Variants in GRK5 observed in about 807,000 individuals in gnomAD.
The protein encoded by GRK5 is G protein-coupled receptor kinase 5, also known as g protein-coupled receptor kinase GRK5.
GRK5 carries 40 observed loss-of-function variants against 78.4 expected under a neutral mutation model. The observed-to-expected ratio is 0.51, with a 90% confidence interval of 0.40 to 0.66. The LOEUF (loss-of-function observed/expected upper bound fraction) is 0.66, where lower values mean the gene tolerates loss of function less well. GRK5 is among the 30% of genes least tolerant of loss of function. The pLI is 0.00. For missense variants in GRK5, 598 were observed against 759.9 expected (o/e 0.79, Z 2.50); for synonymous variants, 289 against 296.8 (o/e 0.97, Z 0.27).
intron 3 of GRK5, among the ~76,000 whole-genome samples, chr10:119,394,544 TGGGGGCAC>T (rs1564917422): frequency 0.055 from 870 of 15,676 alleles, 362 homozygotes; most frequent in Non-Finnish European, 0.092. Context: ...TATCTGTGTG[TGGGGGCAC>T]GTGTATGTTT....
chr10:119,323,868 C>T (rs1564891091), intron 1 of GRK5, among the ~76,000 whole-genome samples: 1 of 152,224 alleles, frequency 6.6e-6, no homozygotes, highest in Non-Finnish European at 1.5e-5. Flanking sequence ...CCCCCAAGTC[C>T]CCTGAGTCCA....
chr10:119,281,022 C>T (rs1208021091), intron 1 of GRK5, among the ~76,000 whole-genome samples: 1 of 152,030 alleles, frequency 6.6e-6, no homozygotes, highest in East Asian at 1.9e-4. Context: ...TCATGATCCA[C>T]ACGCCTTGGC....
intron 1 of GRK5, among the ~76,000 whole-genome samples, chr10:119,292,027 T>TCCTCCTCCTCC (rs1849980496): frequency 9.0e-6 from 1 of 111,096 alleles, no homozygotes; most frequent in African/African-American, 3.5e-5. Context: ...CTCTTCCTCC[T>TCCTCCTCCTCC]TCTTCTCCTC....
At chr10:119,268,653 T>C (rs1273952608) in intron 1 of GRK5, among the ~76,000 whole-genome samples, 5 of 152,244 alleles carry the variant, frequency 3.3e-5, no homozygotes, top group African/African-American at 1.2e-4. Context: ...TGGCAGGTGA[T>C]AAATGCTGAC....
rs538786072 is a variant in GRK5 at position 119,339,139 on chromosome 10, G to A, written c.148+12528G>A. On this transcript the variant is annotated intron_variant, in intron 2 of 15. Transcript: ENST00000392870. ...ATGGACAAAGTGGATGATGTTTGGCGAGCGGCCTCTGCCTGGCTTGCCTGC... is the reference window on the plus strand; with the variant it reads ...ATGGACAAAGTGGATGATGTTTGGCAAGCGGCCTCTGCCTGGCTTGCCTGC... 4.6e-5 allele frequency among the ~76,000 whole-genome samples: 7 copies of A among 152,304 alleles called. No individual in the cohort carries two copies. In the South Asian group the frequency reaches 8.3e-4, roughly 18 times the overall value.
chr10:119,241,187 T>G (rs1428415208), intron 1 of GRK5, among the ~76,000 whole-genome samples: 1 of 152,162 alleles, frequency 6.6e-6, no homozygotes, highest in East Asian at 1.9e-4. Context: ...GTCTGTGACG[T>G]GGGCAGGGTG....
chr10:119,420,345 CA>C (rs869198771), intron 4 of GRK5, among the ~76,000 whole-genome samples: 50 of 71,234 alleles, frequency 7.0e-4, no homozygotes, highest in South Asian at 1.4e-3. Flanking sequence ...CTAAAACAAA[CA>C]AACAAACAAA....
intron 1 of GRK5, among the ~76,000 whole-genome samples, chr10:119,259,172 C>T (rs559152031): frequency 5.4e-4 from 81 of 149,898 alleles, no homozygotes; most frequent in Non-Finnish European, 8.8e-4. Context: ...TCACGCCATT[C>T]TCCTGCCTCA....
intron 1 of GRK5, among the ~76,000 whole-genome samples, chr10:119,323,669 A>G (rs1850624899): frequency 6.6e-6 from 1 of 152,176 alleles, no homozygotes; most frequent in African/African-American, 2.4e-5. Context: ...AGAGACGTCC[A>G]AGGTCTGGAT....
chr10:119,311,047 C>T (rs989642128), intron 1 of GRK5, among the ~76,000 whole-genome samples: 13 of 152,164 alleles, frequency 8.5e-5, no homozygotes, highest in Non-Finnish European at 4.4e-5. Flanking sequence ...GTGTACCTTC[C>T]GCCTTGCTGG....
chr10:119,360,747 C>G (rs1851350035), intron 2 of GRK5, among the ~76,000 whole-genome samples: 2 of 152,156 alleles, frequency 1.3e-5, no homozygotes, highest in Non-Finnish European at 2.9e-5. Context: ...CCTCTTCCTC[C>G]CTCCTCCCTC....
Position 119,442,012 on chromosome 10 carries a change from C to T in GRK5, c.981C>T (p.Ile327=), listed in dbSNP as rs1370851249. The change falls in exon 11 of 16, where the codon ATC becomes ATT. Residue 327 remains isoleucine, a synonymous_variant. Transcript: ENST00000392870. ...TGTCCCCCTCAGGCCACATTAGGAT[C>T]TCAGACCTGGGCTTGGCTGTGAAGA... is the stretch of plus-strand genomic sequence containing the variant. ...ILLDDYGHIR[I]SDLGLAVKIP... is the part of the protein sequence containing the mutation. 2 of 1,613,986 alleles carry T rather than the reference C, an allele frequency of 1.2e-6. No individual in the cohort carries two copies.
chr10:119,376,853 C>T (rs915041237), intron 2 of GRK5, among the ~76,000 whole-genome samples: 1 of 152,216 alleles, frequency 6.6e-6, no homozygotes, highest in Non-Finnish European at 1.5e-5. Context: ...AGGCGTAAGC[C>T]ACCGTGCCTG....
At chr10:119,439,576 A>T (rs1852989478) in intron 9 of GRK5, among the ~76,000 whole-genome samples, 155 bp from the exon 10 acceptor site, 2 of 152,230 alleles carry the variant, frequency 1.3e-5, no homozygotes, top group South Asian at 4.1e-4. Context: ...GCTGAAGATC[A>T]TTTTGACTCA....
chr10:119,371,427 G>A (rs550304634), intron 2 of GRK5, among the ~76,000 whole-genome samples: 5 of 152,360 alleles, frequency 3.3e-5, no homozygotes, highest in East Asian at 1.9e-4. Flanking sequence ...CATGTCACTC[G>A]AAAAGAATGA....
intron 9 of GRK5, among the ~76,000 whole-genome samples, chr10:119,439,242 GC>G (rs1479285761): frequency 2.0e-5 from 3 of 152,280 alleles, no homozygotes; most frequent in Non-Finnish European, 2.9e-5. Context: ...CCAGGCTGTA[GC>G]GTAGCTGGTG....
In GRK5 at chr10:119,445,686, G is replaced by A. The variant is rs1853132423; in HGVS notation, c.1266+1934G>A. 6.6e-6 allele frequency among the ~76,000 whole-genome samples: 1 copy of A among 152,282 alleles called. No individual in the cohort carries two copies. ...GGCCTCCTTCACGCCCTTGACTGCA[G>A]CATCTCCGGCATCTAGGCCTACCTT... is the stretch of plus-strand genomic sequence containing the variant. On this transcript the variant is annotated intron_variant, in intron 12 of 15. Transcript: ENST00000392870. The surrounding 1 kb of genome is among the most constrained non-coding windows in gnomAD (Gnocchi z 4.1).
intron 4 of GRK5, among the ~76,000 whole-genome samples, chr10:119,401,134 C>A (rs967855771): frequency 5.3e-5 from 8 of 152,310 alleles, no homozygotes; most frequent in Middle Eastern, 3.4e-3. Flanking sequence ...CCCGTCAGCT[C>A]TCCTGTCTCA....
In GRK5 at chr10:119,295,420, A is replaced by C. The variant is rs1013480896; in HGVS notation, c.53-31096A>C. Among the ~76,000 whole-genome samples, 4 of 152,268 alleles carry C rather than the reference A, an allele frequency of 2.6e-5. No individual in the cohort carries two copies. The South Asian group carries it at 6.2e-4, about 24-fold the overall frequency. On this transcript the variant is annotated intron_variant, in intron 1 of 15. Transcript: ENST00000392870. ...GGAAAACCATGTGGAGGTCCATTAA[A>C]GAAGTAAAAGTAGAACTACCATTTG...
Sources: allele counts gnomAD v4.1 joint callset (sites outside exome capture counted in the v4.1 genomes callset), GRCh38; gene constraint gnomAD v4.1.1; non-coding constraint Gnocchi (gnomAD v3.1); transcripts MANE v1.5; gene names NCBI Gene and HGNC (gene_info 2026-07-23, HGNC 2026-07-21).